The following KCNE2 variants were observed in gnomAD, a reference collection of about 807,000 sequenced individuals.
KCNE2 encodes the protein potassium voltage-gated channel subfamily E regulatory subunit 2.
Under a neutral mutation model 4.5 loss-of-function variants are expected in KCNE2, and 4 were observed. The ratio of observed to expected loss-of-function variants is 0.89; its 90% confidence interval spans 0.44 to 2.03. The LOEUF (loss-of-function observed/expected upper bound fraction) is 2.03, where lower values mean the gene tolerates loss of function less well. Among genes scored for constraint, KCNE2 ranks in the 30% most tolerant of loss-of-function variants. The probability of loss-of-function intolerance (pLI) is 0.03; values close to 1 mark genes in which losing one functional copy is unlikely to be tolerated. For missense variants in KCNE2, 137 were observed against 151.4 expected, an observed-to-expected ratio of 0.90 and a Z score of 0.50; for synonymous variants, 57 against 55.9, an observed-to-expected ratio of 1.02 and a Z score of -0.09.
In KCNE2 at chr21:34,371,048, A is replaced by G. The variant is rs1319276104; in HGVS notation, c.*198A>G. 3 of 688,854 alleles carry G rather than the reference A, an allele frequency of 4.4e-6. No individual in the cohort carries two copies. Among genetic ancestry groups the G allele is most frequent in the East Asian group, 5.5e-5 (2 of 36,270 alleles). 42.7% of individuals were successfully genotyped at this position (688,854 alleles called of 1,614,324 possible). On this transcript the variant is annotated 3_prime_UTR_variant, in exon 2 of 2. Coordinates refer to ENST00000290310, the MANE Select transcript of KCNE2 (RefSeq NM_172201.2). ...TCAGTGATTTATGCTTGCTTGTTGG[A>G]GCAATATTTTGTGCTGAAGACCTCT...
intron 1 of KCNE2, among the ~76,000 whole-genome samples, chr21:34,365,752 A>T (rs1267031309): frequency 6.6e-6 from 1 of 152,250 alleles, no homozygotes; most frequent in Non-Finnish European, 1.5e-5. Context: ...TCTATCAGTC[A>T]GTTAAACAGT....
At position 34,371,104 on chromosome 21, in the gene KCNE2, A is replaced by G; in HGVS notation, c.*254A>G. The G allele has an allele frequency of 1.8e-6, 1 of 540,830 alleles. No individual in the cohort carries two copies. Among genetic ancestry groups the G allele is most frequent in the African/African-American group, 1.9e-5 (1 of 52,698 alleles). 33.5% of individuals were successfully genotyped at this position (540,830 alleles called of 1,614,324 possible). The stretch of plus-strand genomic sequence containing the variant: ...TTTCCGGGCAAGTGAATGTCATTTT[A>G]ATCAATATCAATGATGAAAATAAAG... On this transcript the variant is annotated 3_prime_UTR_variant, in exon 2 of 2. Transcript: ENST00000290310.
intron 1 of KCNE2, 93 bp from the exon 2 acceptor site, chr21:34,370,374 A>G (rs909636441): frequency 7.5e-5 from 108 of 1,442,932 alleles, no homozygotes; most frequent in Middle Eastern, 1.8e-4. Flanking sequence ...TATTACTTAT[A>G]CCCTGGCATC....
chr21:34,370,844 C>T lies in KCNE2; in HGVS notation c.366C>T (p.Ser122=). Residue 122 remains serine (S), a synonymous_variant, in exon 2 of 2, where the codon TCC becomes TCT. Transcript: ENST00000290310. ...TTGGTGCGGCTGGGTTCAAAATGTC[C>T]CCCTGATAAGGGAGAAAGGCACCAA... is the stretch of plus-strand genomic sequence containing the variant. ...ENIGAAGFKM[S]P is the part of the protein sequence containing the mutation. 1 of 1,613,858 alleles carries T rather than the reference C, an allele frequency of 6.2e-7. No individual in the cohort carries two copies. Among genetic ancestry groups the T allele is most frequent in the Non-Finnish European group, 8.5e-7 (1 of 1,180,024 alleles).
intron 1 of KCNE2, among the ~76,000 whole-genome samples, chr21:34,367,643 T>C (rs1196817975): frequency 6.6e-6 from 1 of 152,204 alleles, no homozygotes; most frequent in Non-Finnish European, 1.5e-5. Flanking sequence ...TGGGGAGGGA[T>C]GTTCTGTGGG....
Position 34,371,192 on chromosome 21 carries a change from C to A in KCNE2, c.*342C>A. ...GGATAGAAAGGAGAGATTTACAAATCATTGAATCTTCTTTCTCATGAAACA... is the reference window on the plus strand; with the variant it reads ...GGATAGAAAGGAGAGATTTACAAATAATTGAATCTTCTTTCTCATGAAACA... On this transcript the variant is annotated 3_prime_UTR_variant, in exon 2 of 2. Transcript: ENST00000290310. 3.1e-6 allele frequency: 1 copy of A among 323,666 alleles called. No homozygotes were observed. The allele number at this position is 323,666 out of a possible 1,614,324, so 20.0% of individuals were successfully genotyped here. A position where few individuals can be genotyped will look rare whatever the true frequency, so the allele number is the denominator to read the frequency against.
At chr21:34,367,863 C>T (rs1175194503) in intron 1 of KCNE2, among the ~76,000 whole-genome samples, 2 of 152,104 alleles carry the variant, frequency 1.3e-5, no homozygotes, top group African/African-American at 2.4e-5. Context: ...TTACCTCCTG[C>T]CTGTGCTCCT....
chr21:34,371,313 A>G lies in KCNE2; in HGVS notation c.*463A>G, dbSNP rs1482762542. The G allele has an allele frequency of 4.6e-6, 1 of 216,460 alleles. No homozygotes were observed. The highest frequency in any genetic ancestry group is 9.4e-6 in the Non-Finnish European group (1 of 106,764). 13.4% of individuals were successfully genotyped at this position (216,460 alleles called of 1,614,324 possible). A position where few individuals can be genotyped will look rare whatever the true frequency, so the allele number is the denominator to read the frequency against. On this transcript the variant is annotated 3_prime_UTR_variant, in exon 2 of 2. Transcript: ENST00000290310. ...TATCACTTGCTTACCAGACGGACAT[A>G]GGAGCATTTATCTGTAATATTAATT...
Position 34,371,064 on chromosome 21 carries a change from G to A in KCNE2, c.*214G>A. The A allele has an allele frequency of 1.6e-6, 1 of 636,236 alleles. No homozygotes were observed. Among genetic ancestry groups the A allele is most frequent in the Non-Finnish European group, 2.8e-6 (1 of 362,730 alleles). The allele number at this position is 636,236 out of a possible 1,614,324, so 39.4% of individuals were successfully genotyped here. A position where few individuals can be genotyped will look rare whatever the true frequency, so the allele number is the denominator to read the frequency against. ...GCTTGTTGGAGCAATATTTTGTGCT[G>A]AAGACCTCTTTTACTTTCCGGGCAA... On this transcript the variant is annotated 3_prime_UTR_variant, in exon 2 of 2. Coordinates refer to ENST00000290310, the MANE Select transcript of KCNE2 (RefSeq NM_172201.2).
chr21:34,366,819 A>C (rs1979321311), intron 1 of KCNE2, among the ~76,000 whole-genome samples: 2 of 151,700 alleles, frequency 1.3e-5, no homozygotes, highest in Admixed American at 6.6e-5. Flanking sequence ...CTGTACTAAA[A>C]ATACAAAAAA....
intron 1 of KCNE2, among the ~76,000 whole-genome samples, chr21:34,368,415 A>G (rs1979437427): frequency 6.6e-6 from 1 of 151,754 alleles, no homozygotes; most frequent in Admixed American, 6.6e-5. Flanking sequence ...CCTGGCTAAC[A>G]TGGCGAAACC....
intron 1 of KCNE2, among the ~76,000 whole-genome samples, chr21:34,369,553 A>C (rs974655555): frequency 7.0e-6 from 1 of 142,468 alleles, no homozygotes; most frequent in Non-Finnish European, 1.6e-5. Context: ...CCGTCTTAAG[A>C]AAAAAAAAAG....
At chr21:34,366,788 G>A (rs565341224) in intron 1 of KCNE2, among the ~76,000 whole-genome samples, 48 of 151,316 alleles carry the variant, frequency 3.2e-4, no homozygotes, top group African/African-American at 1.2e-3. Context: ...GACCATCCTG[G>A]CTAACATGGT....
chr21:34,364,751 C>T (rs906778154), intron 1 of KCNE2, among the ~76,000 whole-genome samples: 54 of 147,902 alleles, frequency 3.7e-4, no homozygotes, highest in African/African-American at 1.2e-3. Context: ...CCAGCCTGGG[C>T]GACAGAGTGA....
chr21:34,368,229 AATATATATATATATATAT>A (rs10596236), intron 1 of KCNE2, among the ~76,000 whole-genome samples: 13 of 84,796 alleles, frequency 1.5e-4, no homozygotes, highest in East Asian at 4.7e-4. Context: ...ACACACACAC[AATATATATATATATATAT>A]ATATATATAT....
chr21:34,365,680 C>T (rs1306819755), intron 1 of KCNE2, among the ~76,000 whole-genome samples: 7 of 152,260 alleles, frequency 4.6e-5, no homozygotes, highest in Non-Finnish European at 7.3e-5. Flanking sequence ...CCACCTCGGC[C>T]TCCCGAAGTG....
rs747232176 is a variant in KCNE2 at position 34,370,628 on chromosome 21, C to G, written c.150C>G (p.Ile50Met). ...KVDAENFYYV[I>M]LYLMVMIGMF... ...ATGCTGAGAACTTCTACTATGTCAT[C>G]CTGTACCTCATGGTGATGATTGGAA... Residue 50 changes from isoleucine (I) to methionine (M), a missense_variant, in exon 2 of 2, where the codon ATC becomes ATG. Ile to Met is a conservative substitution (Grantham distance 10, BLOSUM62 1). Transcript: ENST00000290310. 6.2e-7 allele frequency: 1 copy of G among 1,614,100 alleles called. No homozygotes were observed. Among genetic ancestry groups the G allele is most frequent in the Admixed American group, 1.7e-5 (1 of 60,012 alleles).
At chr21:34,367,881 G>A (rs896074275) in intron 1 of KCNE2, among the ~76,000 whole-genome samples, 2 of 152,020 alleles carry the variant, frequency 1.3e-5, no homozygotes, top group Non-Finnish European at 2.9e-5. Flanking sequence ...CCTTCTAGCT[G>A]TGTTGAAACC....
intron 1 of KCNE2, among the ~76,000 whole-genome samples, chr21:34,368,229 A>ACACACACACT (rs781775671): frequency 1.2e-5 from 1 of 84,810 alleles, no homozygotes; most frequent in African/African-American, 6.0e-5. Context: ...ACACACACAC[A>ACACACACACT]ATATATATAT....
Sources: allele counts gnomAD v4.1 joint callset (sites outside exome capture counted in the v4.1 genomes callset), GRCh38; gene constraint gnomAD v4.1.1; transcripts MANE v1.5; gene names NCBI Gene and HGNC (gene_info 2026-07-23, HGNC 2026-07-21).